The following CNTN5 variants were observed in gnomAD, a reference collection of about 807,000 sequenced individuals.
The protein encoded by CNTN5 is contactin-5.
In CNTN5, 77 loss-of-function variants were observed where a neutral mutation model predicts 129.1. The ratio of observed to expected loss-of-function variants is 0.60; its 90% CI spans 0.50 to 0.72. The LOEUF (loss-of-function observed/expected upper bound fraction) is 0.72. Among genes scored for constraint, CNTN5 ranks in the 30% least tolerant of loss-of-function variants. The pLI is 0.00. For synonymous variants in CNTN5, 509 were observed against 465.6 expected, an observed-to-expected ratio of 1.09 and a Z score of -1.20; for missense variants, 1,478 against 1,328.8, an observed-to-expected ratio of 1.11 and a Z score of -1.75.
intron 3 of CNTN5, among the ~76,000 whole-genome samples, chr11:99,575,793 T>G (rs1949326958): frequency 6.6e-6 from 1 of 152,112 alleles, no homozygotes; most frequent in Admixed American, 6.6e-5. Flanking sequence ...GGAGGTGACT[T>G]CAGAAGAAAG....
At chr11:99,602,992 T>TG (rs1310169109) in intron 3 of CNTN5, among the ~76,000 whole-genome samples, 1 of 76,340 alleles carries the variant, frequency 1.3e-5, no homozygotes, top group Admixed American at 1.6e-4. Context: ...ACCACAAAGA[T>TG]GGGGAAAAAA....
chr11:99,547,003 C>CTTTTTTTTT (rs59675284), intron 2 of CNTN5, among the ~76,000 whole-genome samples: 1 of 128,648 alleles, frequency 7.8e-6, no homozygotes, highest in Non-Finnish European at 1.6e-5. Context: ...AAATTATTTT[C>CTTTTTTTTT]TTTTTTTTTT....
chr11:99,435,566 C>A (rs1042365116), intron 2 of CNTN5, among the ~76,000 whole-genome samples: 2 of 152,200 alleles, frequency 1.3e-5, no homozygotes, highest in African/African-American at 4.8e-5. Flanking sequence ...ATCTACTTAA[C>A]AGCAAATGGG....
intron 13 of CNTN5, among the ~76,000 whole-genome samples, chr11:100,077,822 G>A (rs1455886202): frequency 1.3e-5 from 2 of 151,834 alleles, no homozygotes; most frequent in Non-Finnish European, 2.9e-5. Flanking sequence ...GGATGACAGA[G>A]CAAAACCCTG....
intron 17 of CNTN5, among the ~76,000 whole-genome samples, chr11:100,264,212 T>C (rs17094732): frequency 0.031 from 4,664 of 152,140 alleles, 224 homozygotes; most frequent in African/African-American, 0.1. Context: ...ATTTGAATGC[T>C]AGAAATATTT....
intron 2 of CNTN5, among the ~76,000 whole-genome samples, chr11:99,466,143 A>C (rs1944933088): frequency 6.6e-6 from 1 of 152,002 alleles, no homozygotes; most frequent in African/African-American, 2.4e-5. Flanking sequence ...TGGCCTCCCA[A>C]AGTGCTGGGA....
intron 2 of CNTN5, among the ~76,000 whole-genome samples, chr11:99,403,705 G>A (rs1487920896): frequency 6.6e-6 from 1 of 152,032 alleles, no homozygotes; most frequent in Non-Finnish European, 1.5e-5. Flanking sequence ...TTATTCCATA[G>A]TAGTTAGAGA....
intron 3 of CNTN5, among the ~76,000 whole-genome samples, chr11:99,646,357 G>T (rs1387553553): frequency 6.6e-6 from 1 of 152,180 alleles, no homozygotes; most frequent in Non-Finnish European, 1.5e-5. Flanking sequence ...TCAAATATGA[G>T]AAATTTATTC....
chr11:99,349,243 G>T (rs901725018), intron 2 of CNTN5, among the ~76,000 whole-genome samples: 2 of 152,102 alleles, frequency 1.3e-5, no homozygotes, highest in African/African-American at 2.4e-5. Context: ...AAGCTTTCCT[G>T]GTGGAATTTA....
chr11:99,226,015 A>G (rs1273912337), intron 1 of CNTN5, among the ~76,000 whole-genome samples: 1 of 152,192 alleles, frequency 6.6e-6, no homozygotes, highest in African/African-American at 2.4e-5. Context: ...GGTACATAAA[A>G]TCATTTGAAG....
chr11:99,545,054 A>G (rs1302126929), intron 2 of CNTN5, among the ~76,000 whole-genome samples: 2 of 152,252 alleles, frequency 1.3e-5, no homozygotes, highest in African/African-American at 2.4e-5. Context: ...CTAATATTTT[A>G]TAACTATAGT....
At chr11:99,099,374 C>A (rs1011709481) in intron 1 of CNTN5, among the ~76,000 whole-genome samples, 18 of 152,032 alleles carry the variant, frequency 1.2e-4, no homozygotes, top group Admixed American at 6.6e-5. Flanking sequence ...TCTCTTCATT[C>A]CAAATTTAAA....
chr11:100,298,490 T>G (rs1283381800), intron 19 of CNTN5, among the ~76,000 whole-genome samples: 1 of 151,228 alleles, frequency 6.6e-6, no homozygotes, highest in Admixed American at 6.6e-5. Flanking sequence ...CATATCAAAA[T>G]TCAAGGAAAA....
intron 2 of CNTN5, among the ~76,000 whole-genome samples, chr11:99,528,711 A>G (rs1007369418): frequency 1.3e-5 from 2 of 152,216 alleles, no homozygotes; most frequent in Non-Finnish European, 1.5e-5. Flanking sequence ...TAGAAAGTCC[A>G]AAGGCCAGTG....
rs376898249 is a variant in CNTN5 at position 99,480,899 on chromosome 11, G to A, written c.-70-75246G>A. 3.3e-5 allele frequency among the ~76,000 whole-genome samples: 5 copies of A among 152,152 alleles called. No homozygotes were observed. In the East Asian group the frequency reaches 9.7e-4, roughly 29 times the overall value. On this transcript the variant is annotated intron_variant, in intron 2 of 24. Coordinates refer to ENST00000524871, the MANE Select transcript of CNTN5 (RefSeq NM_014361.4). ...AAAAGAATGTTCTATGGAAAGAAGA[G>A]GATGGTTTTCGATTCAATGAGAATT...
intron 3 of CNTN5, among the ~76,000 whole-genome samples, chr11:99,762,333 C>G (rs1944609187): frequency 6.6e-6 from 1 of 151,724 alleles, no homozygotes; most frequent in Non-Finnish European, 1.5e-5. Flanking sequence ...GACATGAAGT[C>G]CTTGCCCATG....
intron 6 of CNTN5, among the ~76,000 whole-genome samples, chr11:99,903,390 T>C (rs1316183632): frequency 2.0e-5 from 3 of 152,092 alleles, no homozygotes; most frequent in African/African-American, 7.2e-5. Flanking sequence ...GGAATTCTTA[T>C]GCAGTTTGGG....
At chr11:99,360,883 A>T in intron 2 of CNTN5, among the ~76,000 whole-genome samples, 1 of 152,184 alleles carries the variant, frequency 6.6e-6, no homozygotes, top group East Asian at 1.9e-4. Flanking sequence ...TACAAATTTT[A>T]TCAATTCATT....
chr11:99,444,137 T>G (rs1370390327), intron 2 of CNTN5, among the ~76,000 whole-genome samples: 1 of 151,806 alleles, frequency 6.6e-6, no homozygotes, highest in African/African-American at 2.4e-5. Flanking sequence ...GGGTGGAGGT[T>G]GCAGTGAGCC....
Sources: allele counts gnomAD v4.1 joint callset (sites outside exome capture counted in the v4.1 genomes callset), GRCh38; gene constraint gnomAD v4.1.1; transcripts MANE v1.5; gene names NCBI Gene and HGNC (gene_info 2026-07-23, HGNC 2026-07-21).